AKR1B1: variants seen among roughly 807,000 people sequenced by gnomAD.
AKR1B1 encodes aldo-keto reductase family 1 member B1.
AKR1B1 carries 22 observed loss-of-function variants against 40.4 expected under a neutral mutation model. The observed-to-expected ratio is 0.54, with a 90% CI of 0.39 to 0.78. The LOEUF (loss-of-function observed/expected upper bound fraction) is 0.78. Among genes scored for constraint, AKR1B1 ranks in the 30% least tolerant of loss-of-function variants. AKR1B1 has a pLI of 0.00. For missense variants in AKR1B1, 357 were observed against 396.7 expected, an observed-to-expected ratio of 0.90 and a Z score of 0.85; for synonymous variants, 157 against 149.9, an observed-to-expected ratio of 1.05 and a Z score of -0.35.
intron 1 of AKR1B1, among the ~76,000 whole-genome samples, chr7:134,455,456 T>C (rs1272352934): frequency 1.3e-5 from 2 of 152,146 alleles, no homozygotes; most frequent in Non-Finnish European, 2.9e-5. Context: ...TTACAATGAC[T>C]TTTACCTCCA....
chr7:134,448,912 T>C, intron 5 of AKR1B1, 85 bp downstream of exon 5: 1 of 1,578,278 alleles, frequency 6.3e-7, no homozygotes, highest in Non-Finnish European at 8.7e-7. Flanking sequence ...GGCCACTTGC[T>C]GGGTGAGGTG....
chr7:134,455,523 G>C (rs1806442061), intron 1 of AKR1B1, among the ~76,000 whole-genome samples: 1 of 152,176 alleles, frequency 6.6e-6, no homozygotes, highest in African/African-American at 2.4e-5. Flanking sequence ...GTGGGCACCA[G>C]ACATCATCTC....
Position 134,448,462 on chromosome 7 carries a change from T to C in AKR1B1, c.584A>G (p.Lys195Arg). Reference protein sequence around the residue: ...IECHPYLTQEKLIQYCQSKGI... With the variant: ...IECHPYLTQERLIQYCQSKGI... ...TTTGGACTGGCAGTACTGGATTAAC[T>C]TCTCCTGAGTGAGATATGGGTGGCA... The change falls in exon 6 of 10, where the codon AAG (lysine) becomes AGG (arginine). Residue 195 changes from lysine to arginine, a missense_variant. Transcript: ENST00000285930. 6.2e-7 allele frequency: 1 copy of C among 1,614,056 alleles called. No homozygotes were observed.
At chr7:134,447,447 C>G in intron 7 of AKR1B1, 66 bp from the exon 8 acceptor site, 1 of 1,350,558 alleles carries the variant, frequency 7.4e-7, no homozygotes, top group Non-Finnish European at 1.1e-6. Context: ...ATCTCAGTCT[C>G]TCACACACAC....
chr7:134,444,149 CCT>C (rs1806024720), intron 9 of AKR1B1, among the ~76,000 whole-genome samples: 1 of 152,200 alleles, frequency 6.6e-6, no homozygotes, highest in African/African-American at 2.4e-5. Context: ...CTGATTCACT[CCT>C]CTCCTCCTTG....
At chr7:134,456,257 T>G (rs1159951759) in intron 1 of AKR1B1, among the ~76,000 whole-genome samples, 1 of 152,156 alleles carries the variant, frequency 6.6e-6, no homozygotes, top group African/African-American at 2.4e-5. Flanking sequence ...TGGAGTGCAG[T>G]GGCGGGACCT....
chr7:134,445,333 C>CA lies in AKR1B1; in HGVS notation c.826-14dup, dbSNP rs781579622. ...CAAAGTCAAAGACCTAAAAAACAAA[C>CA]AAAAAAATCCAGTAAGCTCTGCAAA... is the stretch of plus-strand genomic sequence containing the variant. On this transcript the variant is annotated splice_polypyrimidine_tract_variant and intron_variant, in intron 8 of 9. Transcript: ENST00000285930. 7.5e-6 allele frequency: 12 copies of CA among 1,605,674 alleles called. 1 individual carries two copies. The African/African-American group carries it at 9.4e-5, about 13-fold the overall frequency.
At position 134,451,575 on chromosome 7, in the gene AKR1B1, C is replaced by T. The variant is rs759535911; in HGVS notation, c.234+11G>A. The stretch of plus-strand genomic sequence containing the variant: ...CCGAGAGCCCCTTCCAGCCCCACCG[C>T]GGAACGATACCTTGCTGACGATGAA... On this transcript the variant is annotated intron_variant, in intron 2 of 9. Coordinates refer to ENST00000285930, the MANE Select transcript of AKR1B1 (RefSeq NM_001628.4). 3.8e-5 allele frequency: 62 copies of T among 1,613,354 alleles called. No individual in the cohort carries two copies. The highest frequency in any genetic ancestry group is 4.6e-5 in the Non-Finnish European group (54 of 1,180,008).
chr7:134,454,605 G>C (rs1488635279), intron 1 of AKR1B1, among the ~76,000 whole-genome samples: 4 of 152,154 alleles, frequency 2.6e-5, no homozygotes, highest in African/African-American at 9.7e-5. Context: ...TCAGAGATTG[G>C]ATATTTTGCA....
intron 9 of AKR1B1, among the ~76,000 whole-genome samples, chr7:134,443,412 C>CA (rs35632302): frequency 6.4e-4 from 89 of 138,016 alleles, no homozygotes; most frequent in African/African-American, 1.5e-3. Flanking sequence ...GAGCCCATTT[C>CA]AAAAAAAAAA....
At chr7:134,452,738 AAAGAAAAACCC>A (rs1291800068) in intron 1 of AKR1B1, among the ~76,000 whole-genome samples, 1 of 152,166 alleles carries the variant, frequency 6.6e-6, no homozygotes, top group Admixed American at 6.5e-5. Context: ...AAACAAATGA[AAAGAAAAACCC>A]CCCAGGGCCA....
rs761314045 is a variant in AKR1B1 at position 134,451,754 on chromosome 7, C to A, written c.67-1G>T. 6.2e-7 allele frequency: 1 copy of A among 1,613,894 alleles called. No individual in the cohort carries two copies. Among genetic ancestry groups the A allele is most frequent in the Non-Finnish European group, 8.5e-7 (1 of 1,179,988 alleles). On this transcript the variant is annotated splice_acceptor_variant, in intron 1 of 9. Transcript: ENST00000285930. LOFTEE classifies it high-confidence loss of function. Reference sequence around the variant, plus strand: ...CCTCAGTCACCTGCCCTGGAGGGGACTGAAAGGAGAAAGAACGTGAGCCCC... The same window carrying A: ...CCTCAGTCACCTGCCCTGGAGGGGAATGAAAGGAGAAAGAACGTGAGCCCC...
At chr7:134,445,386 G>A in intron 8 of AKR1B1, 66 bp from the exon 9 acceptor site, 1 of 1,315,354 alleles carries the variant, frequency 7.6e-7, no homozygotes, top group Non-Finnish European at 1.1e-6. Context: ...ATACTGTGCA[G>A]GACCCAGATG....
At chr7:134,445,441 C>G in intron 8 of AKR1B1, 121 bp from the exon 9 acceptor site, 1 of 827,830 alleles carries the variant, frequency 1.2e-6, no homozygotes, top group Non-Finnish European at 2.0e-6. Context: ...ATAAACTGAA[C>G]TTAGGAAAAG....
At chr7:134,447,848 CTG>C in intron 7 of AKR1B1, 130 bp downstream of exon 7, 3 of 817,608 alleles carry the variant, frequency 3.7e-6, no homozygotes, top group Non-Finnish European at 6.3e-6. Context: ...CCTTTCCACT[CTG>C]TACTTGAGGA....
At chr7:134,449,601 A>C (rs2117454717) in intron 4 of AKR1B1, 119 bp downstream of exon 4, 1 of 844,488 alleles carries the variant, frequency 1.2e-6, no homozygotes, top group South Asian at 1.4e-5. Context: ...AAAAAAAAAG[A>C]GAGAGCAAAC....
Position 134,450,796 on chromosome 7 carries a change from G to C in AKR1B1, c.341C>G (p.Thr114Ser). 6.2e-7 allele frequency: 1 copy of C among 1,613,856 alleles called. No homozygotes were observed. Among genetic ancestry groups the C allele is most frequent in the South Asian group, 1.1e-5 (1 of 91,084 alleles). ...CCAGGCATCCCATACCTTAAAGCCAGTCGGCCAGTGAATAAGGTAGAGGTC... is the reference window on the plus strand; with the variant it reads ...CCAGGCATCCCATACCTTAAAGCCACTCGGCCAGTGAATAAGGTAGAGGTC... ...YLDLYLIHWP[T>S]GFKPGKEFFP... The change falls in exon 3 of 10, where the codon ACT (threonine) becomes AGT (serine). Residue 114 changes from threonine to serine, a missense_variant. Transcript: ENST00000285930.
At chr7:134,447,608 C>A in intron 7 of AKR1B1, 1 of 641,564 alleles carries the variant, frequency 1.6e-6, no homozygotes. Context: ...GCTTCAGTGT[C>A]TCAGGCATAT....
intron 8 of AKR1B1, 114 bp from the exon 9 acceptor site, chr7:134,445,434 A>G: frequency 1.2e-6 from 1 of 865,512 alleles, no homozygotes; most frequent in Non-Finnish European, 1.9e-6. Flanking sequence ...CGATAAGATA[A>G]ACTGAACTTA....
Sources: allele counts gnomAD v4.1 joint callset (sites outside exome capture counted in the v4.1 genomes callset), GRCh38; gene constraint gnomAD v4.1.1; transcripts MANE v1.5; gene names NCBI Gene and HGNC (gene_info 2026-07-23, HGNC 2026-07-21).